Variants in F7 observed in about 807,000 individuals in gnomAD.
F7 encodes the protein coagulation factor VII.
Under a neutral mutation model 47.5 loss-of-function variants are expected in F7, and 38 were observed. The ratio of observed to expected loss-of-function variants is 0.80; its 90% CI spans 0.62 to 1.05. The LOEUF (loss-of-function observed/expected upper bound fraction) is 1.05. Ranked by LOEUF, F7 falls within the 50% of genes least tolerant of loss-of-function variation. The pLI, the probability that F7 is intolerant of heterozygous loss-of-function variation, is 0.00. For synonymous variants in F7, 244 were observed against 258.5 expected, an observed-to-expected ratio of 0.94 and a Z score of 0.54; for missense variants, 575 against 605.4, an observed-to-expected ratio of 0.95 and a Z score of 0.53.
rs1453884837 is a variant in F7, at chr13:113,120,011, C to T, written c.*1003C>T. On this transcript the variant is annotated 3_prime_UTR_variant, in exon 8 of 8. Transcript: ENST00000346342. ...AATAAACGGCTGCGTCTCCTCCGCA[C>T]ACCTGTGGTGCCTGCCACCCACTGG... 6.6e-6 allele frequency: 1 copy of T among 152,296 alleles called. No homozygotes were observed. Among genetic ancestry groups the T allele is most frequent in the Non-Finnish European group, 1.5e-5 (1 of 68,092 alleles). The allele number at this position is 152,296 out of a possible 1,614,324, so 9.4% of individuals were successfully genotyped here.
rs202240468 is a variant in F7 at position 113,118,603 on chromosome 13, G to A, written c.930G>A (p.Thr310=). 128 of 1,612,852 alleles carry A rather than the reference G, an allele frequency of 7.9e-5. 1 individual carries two copies. The Middle Eastern group carries it at 1.8e-3, about 23-fold the overall frequency. The change falls in exon 8 of 8, where the codon ACG becomes ACA. Residue 310 remains threonine, a synonymous_variant. Transcript: ENST00000346342. The part of the protein sequence containing the change: ...CLPERTFSER[T]LAFVRFSLVS... The stretch of plus-strand genomic sequence containing the variant: ...CCGAACGGACGTTCTCTGAGAGGAC[G>A]CTGGCCTTCGTGCGCTTCTCATTGG...
In F7 at chr13:113,118,912, G is replaced by A. The variant is rs375522562; in HGVS notation, c.1239G>A (p.Gly413=). 3.7e-6 allele frequency: 6 copies of A among 1,612,092 alleles called. No individual in the cohort carries two copies. The African/African-American group carries it at 6.7e-5, about 18-fold the overall frequency. ...GCTGCGCAACCGTGGGCCACTTTGG[G>A]GTGTACACCAGGGTCTCCCAGTACA... is the stretch of plus-strand genomic sequence containing the variant. The part of the protein sequence containing the change: ...GQGCATVGHF[G]VYTRVSQYIE... The change falls in exon 8 of 8, where the codon GGG becomes GGA. Residue 413 remains glycine, a synonymous_variant. Coordinates refer to ENST00000346342, the MANE Select transcript of F7 (RefSeq NM_019616.4).
intron 1 of F7, among the ~76,000 whole-genome samples, chr13:113,108,839 G>A (rs1385468913): frequency 4.1e-5 from 3 of 73,418 alleles, no homozygotes; most frequent in Non-Finnish European, 2.9e-5. Flanking sequence ...GGTGTCCCGG[G>A]GGAGTGGGTG....
At position 113,119,528 on chromosome 13, in the gene F7, CACAG is replaced by C. The variant is rs1300387115; in HGVS notation, c.*522_*525del. On this transcript the variant is annotated 3_prime_UTR_variant, in exon 8 of 8. Coordinates refer to ENST00000346342, the MANE Select transcript of F7 (RefSeq NM_019616.4). ...ACACGGATGCACACACAGATGGTCA[CACAG>C]AGATACGCAAACACACCGATGCACA... 5 of 183,604 alleles carry C rather than the reference CACAG, an allele frequency of 2.7e-5. No homozygotes were observed. Among genetic ancestry groups the C allele is most frequent in the Non-Finnish European group, 4.6e-5 (4 of 87,398 alleles). The allele number at this position is 183,604 out of a possible 1,614,324, so 11.4% of individuals were successfully genotyped here.
In F7 at chr13:113,116,890, G is replaced by C. The variant is rs2036203462; in HGVS notation, c.615+15G>C. On this transcript the variant is annotated intron_variant, in intron 6 of 7. Coordinates refer to ENST00000346342, the MANE Select transcript of F7 (RefSeq NM_019616.4). ...GTCCATGGCAGGTAAGGCTTCCCCT[G>C]GCTTCAGGATTCCAAGCCCTGAGGG... The C allele has an allele frequency of 1.9e-6, 3 of 1,593,462 alleles. No homozygotes were observed. Among genetic ancestry groups the C allele is most frequent in the Non-Finnish European group, 2.6e-6 (3 of 1,161,802 alleles).
At chr13:113,115,890 C>A in intron 5 of F7, 90 bp downstream of exon 5, 3 of 1,558,122 alleles carry the variant, frequency 1.9e-6, no homozygotes, top group Non-Finnish European at 2.6e-6. Context: ...GTGGGAGTGG[C>A]TTCACATCTA....
intron 4 of F7, among the ~76,000 whole-genome samples, chr13:113,115,445 G>A (rs1468454879): frequency 1.3e-5 from 2 of 152,198 alleles, no homozygotes; most frequent in East Asian, 1.9e-4. Context: ...CCAGCCACTG[G>A]CAAGGCTGTT....
chr13:113,110,366 C>G (rs757816818), intron 1 of F7: 259 of 292,312 alleles, frequency 8.9e-4, no homozygotes, highest in Middle Eastern at 4.0e-3. Context: ...GCCGCCTTCT[C>G]CTCGCCGGCA....
At chr13:113,111,411 A>G in intron 2 of F7, among the ~76,000 whole-genome samples, 1 of 93,632 alleles carries the variant, frequency 1.1e-5, no homozygotes, top group East Asian at 3.3e-4. Flanking sequence ...TCACACTCAC[A>G]GGACACCTCA....
rs1395935749 is a variant in F7, at chr13:113,112,508, GATC to G, written c.226-1240_226-1238del. 2.8e-5 allele frequency among the ~76,000 whole-genome samples: 4 copies of G among 141,036 alleles called. No homozygotes were observed. The East Asian group carries it at 9.5e-4, about 34-fold the overall frequency. 92.5% of individuals were successfully genotyped at this position (141,036 alleles called of 152,430 possible). A position where few individuals can be genotyped will look rare whatever the true frequency, so the allele number is the denominator to read the frequency against. ...ACACTCACAGGTCACACCTCACACAGATCATCTCATTCTCACAGGACACCTCCC... is the reference window on the plus strand; with the variant it reads ...ACACTCACAGGTCACACCTCACACAGATCTCATTCTCACAGGACACCTCCC... On this transcript the variant is annotated intron_variant, in intron 2 of 7. Coordinates refer to ENST00000346342, the MANE Select transcript of F7 (RefSeq NM_019616.4).
intron 2 of F7, among the ~76,000 whole-genome samples, chr13:113,112,713 A>ACACT (rs78282997): frequency 0.24 from 33,952 of 142,580 alleles, 4,594 homozygotes; most frequent in East Asian, 0.44. Context: ...AGGTCACCTC[A>ACACT]CACAGGACAC....
intron 2 of F7, among the ~76,000 whole-genome samples, chr13:113,112,439 ATCACT>A (rs1487154451): frequency 7.0e-6 from 1 of 143,576 alleles, no homozygotes; most frequent in Non-Finnish European, 1.5e-5. Context: ...ATACTCACAG[ATCACT>A]TCATTCTCAC....
chr13:113,118,594 T>C lies in F7; in HGVS notation c.921T>C (p.Ser307=), dbSNP rs537408773. ...TCTGCCTGCCCGAACGGACGTTCTC[T>C]GAGAGGACGCTGGCCTTCGTGCGCT... ...VPLCLPERTF[S]ERTLAFVRFS... The change falls in exon 8 of 8, where the codon TCT becomes TCC. Residue 307 remains serine (S), a synonymous_variant. Coordinates refer to ENST00000346342, the MANE Select transcript of F7 (RefSeq NM_019616.4). 12 of 1,612,878 alleles carry C rather than the reference T, an allele frequency of 7.4e-6. No individual in the cohort carries two copies. Among genetic ancestry groups the C allele is most frequent in the Non-Finnish European group, 8.5e-6 (10 of 1,179,904 alleles).
At chr13:113,108,631 C>T (rs1474566540) in intron 1 of F7, among the ~76,000 whole-genome samples, 1 of 102,876 alleles carries the variant, frequency 9.7e-6, no homozygotes, top group Non-Finnish European at 2.0e-5. Context: ...GTGGGTGTCC[C>T]GGGGGCGTGG....
chr13:113,113,018 G>A lies in F7; in HGVS notation c.226-734G>A, dbSNP rs1254075474. 1.3e-5 allele frequency among the ~76,000 whole-genome samples: 2 copies of A among 150,000 alleles called. No homozygotes were observed. Among genetic ancestry groups the A allele is most frequent in the Non-Finnish European group, 3.0e-5 (2 of 67,704 alleles). ...CACACAGATCATCTCATTCTCACAGGACACCTCCCTCTCACAGGTCACCTT... is the reference window on the plus strand; with the variant it reads ...CACACAGATCATCTCATTCTCACAGAACACCTCCCTCTCACAGGTCACCTT... On this transcript the variant is annotated intron_variant, in intron 2 of 7. Coordinates refer to ENST00000346342, the MANE Select transcript of F7 (RefSeq NM_019616.4). The surrounding 1 kb of genome is among the most constrained non-coding windows in gnomAD (Gnocchi z 4.1).
At position 113,113,997 on chromosome 13, in the gene F7, C is replaced by A. The variant is rs2036150294; in HGVS notation, c.364+37C>A. On this transcript the variant is annotated intron_variant, in intron 4 of 7. Transcript: ENST00000346342. The surrounding 1 kb of genome is among the most constrained non-coding windows in gnomAD (Gnocchi z 4.1). ...CTTTGGGTCCCATATTTGCAGAGGGCCCTGGGGAGCTGGTGGAGGTGGCCT... is the reference window on the plus strand; with the variant it reads ...CTTTGGGTCCCATATTTGCAGAGGGACCTGGGGAGCTGGTGGAGGTGGCCT... 6 of 1,610,046 alleles carry A rather than the reference C, an allele frequency of 3.7e-6. No individual in the cohort carries two copies. Among genetic ancestry groups the A allele is most frequent in the Non-Finnish European group, 5.1e-6 (6 of 1,178,160 alleles).
At chr13:113,107,359 A>G (rs1490251259) in intron 1 of F7, among the ~76,000 whole-genome samples, 2 of 34,082 alleles carry the variant, frequency 5.9e-5, no homozygotes, top group African/African-American at 1.5e-4. Context: ...GTGTCCCGGG[A>G]GTGTGGGTGT....
intron 6 of F7, 75 bp downstream of exon 6, chr13:113,116,950 G>A: frequency 7.9e-7 from 1 of 1,265,214 alleles, no homozygotes; most frequent in East Asian, 2.3e-5. Context: ...AACAGCTCTG[G>A]AAGGGAAAAT....
At position 113,105,849 on chromosome 13, in the gene F7, C is replaced by A; in HGVS notation, c.8C>A (p.Ser3Tyr). 1 of 1,589,488 alleles carries A rather than the reference C, an allele frequency of 6.3e-7. No homozygotes were observed. The change falls in exon 1 of 8, where the codon TCC becomes TAC. Residue 3 changes from serine to tyrosine, a missense_variant. Coordinates refer to ENST00000346342, the MANE Select transcript of F7 (RefSeq NM_019616.4). The part of the protein sequence containing the change: MV[S>Y]QALRLLCLLL... ...CACTGCAGAGATTTCATCATGGTCT[C>A]CCAGGCCCTCAGGCTCCTCTGCCTT... is the stretch of plus-strand genomic sequence containing the variant.
Sources: allele counts gnomAD v4.1 joint callset (sites outside exome capture counted in the v4.1 genomes callset), GRCh38; gene constraint gnomAD v4.1.1; non-coding constraint Gnocchi (gnomAD v3.1); transcripts MANE v1.5; gene names NCBI Gene and HGNC (gene_info 2026-07-23, HGNC 2026-07-21).